NFKB1: variants seen among roughly 807,000 people sequenced by gnomAD.
NFKB1 encodes nuclear factor NF-kappa-B p105 subunit.
A neutral mutation model predicts 105.1 loss-of-function variants in NFKB1; 9 were observed. The observed-to-expected ratio is 0.09, with a 90% confidence interval of 0.05 to 0.15. The LOEUF is 0.15. Ranked by LOEUF, NFKB1 falls within the 10% of genes least tolerant of loss-of-function variation. NFKB1 has a pLI of 1.00. For synonymous variants in NFKB1, 440 were observed against 442.2 expected (o/e 1.00, Z 0.06); for missense variants, 830 against 1,203.7 (o/e 0.69, Z 4.59).
At chr4:102,558,145 A>C (rs565587950) in intron 5 of NFKB1, among the ~76,000 whole-genome samples, 1 of 151,384 alleles carries the variant, frequency 6.6e-6, no homozygotes, top group Non-Finnish European at 1.5e-5. Flanking sequence ...CTCAGGTATT[A>C]AGCCTAATAT....
chr4:102,577,797 T>G, intron 7 of NFKB1: 1 of 985,470 alleles, frequency 1.0e-6, no homozygotes, highest in Non-Finnish European at 1.2e-6. Context: ...CATTCCGTGC[T>G]CTCTGGCATT....
chr4:102,580,732 C>A, intron 9 of NFKB1, 93 bp downstream of exon 9: 1 of 902,940 alleles, frequency 1.1e-6, no homozygotes, highest in African/African-American at 1.7e-5. Context: ...CAGCAGTGGA[C>A]AAGAAACATC....
chr4:102,506,421 A>G (rs770341987), intron 1 of NFKB1, among the ~76,000 whole-genome samples: 2 of 152,206 alleles, frequency 1.3e-5, no homozygotes, highest in Non-Finnish European at 2.9e-5. Flanking sequence ...GTGACTGTTA[A>G]AAGTTACTAG....
In NFKB1 at chr4:102,507,072, A is replaced by G. The variant is rs1022573176; in HGVS notation, c.-8+5284A>G. Among the ~76,000 whole-genome samples, 19 of 150,466 alleles carry G rather than the reference A, an allele frequency of 1.3e-4. No individual in the cohort carries two copies. The East Asian group carries it at 2.9e-3, about 23-fold the overall frequency. ...ATATATTAGTTACAAATATGTATAT[A>G]TAATATTTTTTGTTGTTGCCAGCAA... On this transcript the variant is annotated intron_variant, in intron 1 of 23. Coordinates refer to ENST00000226574, the MANE Select transcript of NFKB1 (RefSeq NM_003998.4).
chr4:102,554,362 A>G (rs1191170261), intron 5 of NFKB1, among the ~76,000 whole-genome samples: 1 of 152,226 alleles, frequency 6.6e-6, no homozygotes, highest in African/African-American at 2.4e-5. Context: ...TTGGGAAAAG[A>G]TGTGCCTGAC....
intron 1 of NFKB1, among the ~76,000 whole-genome samples, chr4:102,514,544 T>C (rs1739999235): frequency 6.6e-6 from 1 of 152,214 alleles, no homozygotes; most frequent in African/African-American, 2.4e-5. Context: ...GGGCTTCCCG[T>C]TGCCAGAACT....
rs1270328843 is a variant in NFKB1, at chr4:102,584,792, A to G, written c.1038A>G (p.Lys346=). The G allele has an allele frequency of 6.2e-7, 1 of 1,611,978 alleles. No individual in the cohort carries two copies. The highest frequency in any genetic ancestry group is 8.5e-7 in the Non-Finnish European group (1 of 1,179,048). ...RKSDLETSEP[K]PFLYYPEIKD... ...CTGACTTGGAAACTAGTGAACCAAA[A>G]CCTTTCCTCTACTATCCTGAAATCA... The change falls in exon 11 of 24, where the codon AAA becomes AAG. Residue 346 remains lysine (K), a synonymous_variant. Transcript: ENST00000226574.
chr4:102,605,033 A>G (rs1340312865), intron 16 of NFKB1, among the ~76,000 whole-genome samples: 2 of 151,980 alleles, frequency 1.3e-5, no homozygotes, highest in African/African-American at 4.8e-5. Flanking sequence ...AGCTACAGAT[A>G]ATTTATAATT....
At position 102,594,938 on chromosome 4, in the gene NFKB1, T is replaced by C; in HGVS notation, c.1257T>C (p.Thr419=). Reference sequence around the variant, plus strand: ...GATTTCCTACTTATGGTGGGATTACTTTCCATCCTGGAACTACTAAATCTA... The same window carrying C: ...GATTTCCTACTTATGGTGGGATTACCTTCCATCCTGGAACTACTAAATCTA... ...HYGFPTYGGI[T]FHPGTTKSNA... is the part of the protein sequence containing the mutation. Residue 419 remains threonine, a synonymous_variant, in exon 13 of 24, where the codon ACT becomes ACC. Transcript: ENST00000226574. 1 of 1,611,970 alleles carries C rather than the reference T, an allele frequency of 6.2e-7. No individual in the cohort carries two copies.
rs777771569 is a variant in NFKB1, at chr4:102,613,507, C to G, written c.2675C>G (p.Ala892Gly). Reference protein sequence around the residue: ...YTEAIEVIQAASSPVKTTSQA... With the variant: ...YTEAIEVIQAGSSPVKTTSQA... ...GAAGCAATTGAAGTGATCCAGGCAG[C>G]CTCCAGCCCAGTGAAGACCACCTCT... Residue 892 changes from alanine to glycine, a missense_variant, in exon 23 of 24, where the codon GCC becomes GGC. This residue lies in a region of NFKB1 where 418 missense variants were observed against 575.3 expected (regional missense o/e 0.73). Transcript: ENST00000226574. 1.2e-5 allele frequency: 20 copies of G among 1,613,984 alleles called. No homozygotes were observed. The highest frequency in any genetic ancestry group is 9.9e-5 in the South Asian group (9 of 91,050).
intron 6 of NFKB1, among the ~76,000 whole-genome samples, chr4:102,571,875 CACTGTTGGTGGGACTGTAA>C (rs1456710006): frequency 6.6e-6 from 1 of 152,188 alleles, no homozygotes; most frequent in African/African-American, 2.4e-5. Context: ...AACACTTTTA[CACTGTTGGTGGGACTGTAA>C]ACTAGTTCAG....
rs1728973049 is a variant in NFKB1, at chr4:102,616,686, C to T, written c.*92C>T. ...AGAAGCTGAAGTGCATCCAAAGGTG[C>T]TCAGAGAGCCGGCCCGCCTGAATCA... On this transcript the variant is annotated 3_prime_UTR_variant, in exon 24 of 24. Coordinates refer to ENST00000226574, the MANE Select transcript of NFKB1 (RefSeq NM_003998.4). The T allele has an allele frequency of 7.5e-7, 1 of 1,332,134 alleles. No individual in the cohort carries two copies. Among genetic ancestry groups the T allele is most frequent in the Non-Finnish European group, 1.0e-6 (1 of 971,642 alleles). The allele number at this position is 1,332,134 out of a possible 1,614,324, so 82.5% of individuals were successfully genotyped here. A position where few individuals can be genotyped will look rare whatever the true frequency, so the allele number is the denominator to read the frequency against.
At chr4:102,554,698 C>T (rs1291029583) in intron 5 of NFKB1, among the ~76,000 whole-genome samples, 1 of 152,160 alleles carries the variant, frequency 6.6e-6, no homozygotes, top group Non-Finnish European at 1.5e-5. Flanking sequence ...AAGCCCTCCT[C>T]ATGCAGCTGT....
chr4:102,588,426 G>A (rs1267468673), intron 11 of NFKB1, among the ~76,000 whole-genome samples: 1 of 151,166 alleles, frequency 6.6e-6, no homozygotes, highest in African/African-American at 2.4e-5. Context: ...AGATAGTTGA[G>A]GAACTGCTGT....
chr4:102,567,228 C>A, intron 6 of NFKB1, 93 bp downstream of exon 6: 3 of 1,338,888 alleles, frequency 2.2e-6, no homozygotes, highest in Non-Finnish European at 3.1e-6. Context: ...CATTAGGGAC[C>A]TTTCTGAGAC....
intron 1 of NFKB1, among the ~76,000 whole-genome samples, chr4:102,524,294 C>T (rs1740756103): frequency 6.6e-6 from 1 of 152,084 alleles, no homozygotes; most frequent in Non-Finnish European, 1.5e-5. Flanking sequence ...ATTGCTAGGG[C>T]CTGCAGTATA....
chr4:102,549,621 G>A (rs958862995), intron 5 of NFKB1, among the ~76,000 whole-genome samples: 13 of 151,782 alleles, frequency 8.6e-5, no homozygotes, highest in African/African-American at 3.1e-4. Context: ...TAGTCTCCAG[G>A]CTCAGCCACT....
intron 10 of NFKB1, among the ~76,000 whole-genome samples, chr4:102,583,168 T>G (rs1725448026): frequency 6.6e-6 from 1 of 152,078 alleles, no homozygotes. Flanking sequence ...ATTTTTTTTG[T>G]AGAGATGATG....
intron 11 of NFKB1, among the ~76,000 whole-genome samples, chr4:102,589,802 T>A (rs1578801181): frequency 1.3e-5 from 2 of 151,818 alleles, no homozygotes; most frequent in East Asian, 3.9e-4. Flanking sequence ...AAAACCTCCT[T>A]AACTGCTCCA....
Sources: allele counts gnomAD v4.1 joint callset (sites outside exome capture counted in the v4.1 genomes callset), GRCh38; gene constraint gnomAD v4.1.1; regional missense constraint gnomAD v4.1.1; transcripts MANE v1.5; gene names NCBI Gene and HGNC (gene_info 2026-07-23, HGNC 2026-07-21).